The following SEMA5A variants were observed in gnomAD, a reference collection of about 807,000 sequenced individuals.
SEMA5A encodes the protein semaphorin 5A.
A neutral mutation model predicts 135.5 loss-of-function variants in SEMA5A; 55 were observed. The observed-to-expected ratio is 0.41, with a 90% CI of 0.33 to 0.51. The LOEUF (loss-of-function observed/expected upper bound fraction) is 0.51. SEMA5A is among the 20% of genes least tolerant of loss of function. SEMA5A has a pLI of 0.37. For synonymous variants in SEMA5A, 580 were observed against 546.5 expected, an observed-to-expected ratio of 1.06 and a Z score of -0.85; for missense variants, 1,290 against 1,419.9, an observed-to-expected ratio of 0.91 and a Z score of 1.47.
chr5:9,221,886 G>A (rs1329312332), intron 8 of SEMA5A, among the ~76,000 whole-genome samples: 1 of 152,100 alleles, frequency 6.6e-6, no homozygotes, highest in African/African-American at 2.4e-5. Flanking sequence ...CTGGAGTGGG[G>A]GTAGTTGCAA....
chr5:9,116,538 T>C (rs1464589728), intron 15 of SEMA5A, among the ~76,000 whole-genome samples: 2 of 152,234 alleles, frequency 1.3e-5, no homozygotes, highest in Non-Finnish European at 2.9e-5. Context: ...GAGATTTTTG[T>C]TGCAACAAAG....
intron 1 of SEMA5A, among the ~76,000 whole-genome samples, chr5:9,532,432 A>ATT (rs1737500772): frequency 7.8e-6 from 1 of 128,764 alleles, no homozygotes; most frequent in Non-Finnish European, 1.6e-5. Flanking sequence ...TGCCCAGTTA[A>ATT]TTTTTTTCTT....
intron 5 of SEMA5A, among the ~76,000 whole-genome samples, chr5:9,245,204 A>G (rs1407095514): frequency 1.3e-5 from 2 of 152,162 alleles, no homozygotes; most frequent in East Asian, 3.9e-4. Flanking sequence ...TGCCTGCGGA[A>G]ATAAAGGATC....
chr5:9,154,093 A>ATATATATATATATTTGTGTGTGTG (rs372321939), intron 12 of SEMA5A, among the ~76,000 whole-genome samples: 1 of 73,512 alleles, frequency 1.4e-5, no homozygotes, highest in Non-Finnish European at 2.4e-5. Context: ...ATATATATAT[A>ATATATATATATATTTGTGTGTGTG]TGTGTGTGTG....
At chr5:9,376,229 C>T (rs957293122) in intron 3 of SEMA5A, among the ~76,000 whole-genome samples, 2 of 152,156 alleles carry the variant, frequency 1.3e-5, no homozygotes, top group African/African-American at 2.4e-5. Flanking sequence ...CGAATCCCCA[C>T]TTGCCATGTG....
At chr5:9,485,388 A>G (rs1734644337) in intron 1 of SEMA5A, among the ~76,000 whole-genome samples, 1 of 152,230 alleles carries the variant, frequency 6.6e-6, no homozygotes, top group South Asian at 2.1e-4. Context: ...TCATCTTAAC[A>G]GAGGAAATTG....
chr5:9,222,109 G>A (rs990553245), intron 8 of SEMA5A, among the ~76,000 whole-genome samples: 1 of 152,188 alleles, frequency 6.6e-6, no homozygotes, highest in Non-Finnish European at 1.5e-5. Flanking sequence ...AGTGGAAGGA[G>A]AACTAAAGGA....
intron 15 of SEMA5A, among the ~76,000 whole-genome samples, chr5:9,113,957 C>T (rs1372596704): frequency 6.6e-6 from 1 of 152,140 alleles, no homozygotes; most frequent in East Asian, 1.9e-4. Flanking sequence ...ATACAGTATA[C>T]ACAAAAAAGT....
At chr5:9,092,163 T>C (rs987029148) in intron 16 of SEMA5A, among the ~76,000 whole-genome samples, 1 of 152,166 alleles carries the variant, frequency 6.6e-6, no homozygotes, top group Non-Finnish European at 1.5e-5. Context: ...ATACTCATGG[T>C]TGTTCCAGGC....
intron 3 of SEMA5A, among the ~76,000 whole-genome samples, chr5:9,348,629 C>T (rs546186555): frequency 6.6e-6 from 1 of 152,086 alleles, no homozygotes; most frequent in South Asian, 2.1e-4. Flanking sequence ...TGACAAAGAA[C>T]AACAAAAAGT....
At chr5:9,307,203 C>G (rs1049379265) in intron 5 of SEMA5A, among the ~76,000 whole-genome samples, 3 of 152,086 alleles carry the variant, frequency 2.0e-5, no homozygotes, top group Non-Finnish European at 4.4e-5. Flanking sequence ...GTGGCAATAG[C>G]CCCCACAACA....
intron 11 of SEMA5A, among the ~76,000 whole-genome samples, chr5:9,174,383 A>G (rs1744094175): frequency 6.6e-6 from 1 of 152,140 alleles, no homozygotes; most frequent in Non-Finnish European, 1.5e-5. Context: ...CTGTTCCTTA[A>G]GGTATCTTGG....
chr5:9,302,104 ATCT>A (rs1167508642), intron 5 of SEMA5A, among the ~76,000 whole-genome samples: 4 of 152,056 alleles, frequency 2.6e-5, no homozygotes, highest in Non-Finnish European at 5.9e-5. Context: ...TGTGTGTGTA[ATCT>A]TCTTCTGCAT....
intron 12 of SEMA5A, among the ~76,000 whole-genome samples, chr5:9,147,023 A>G (rs929963068): frequency 2.0e-5 from 3 of 152,124 alleles, no homozygotes; most frequent in Non-Finnish European, 2.9e-5. Context: ...AGACCCTGCA[A>G]TTTCTCTGTA....
chr5:9,106,821 T>C (rs964357384), intron 16 of SEMA5A, among the ~76,000 whole-genome samples: 3 of 152,204 alleles, frequency 2.0e-5, no homozygotes, highest in Non-Finnish European at 2.9e-5. Context: ...CTACAGTTAG[T>C]TCAGGCTGAT....
intron 18 of SEMA5A, 125 bp from the exon 19 acceptor site, chr5:9,054,382 A>G: frequency 8.0e-7 from 1 of 1,257,152 alleles, no homozygotes; most frequent in Non-Finnish European, 1.1e-6. Context: ...TGCACTCCAG[A>G]AAGGCTTCAG....
chr5:9,213,206 A>T (rs1746435243), intron 8 of SEMA5A, among the ~76,000 whole-genome samples: 1 of 152,234 alleles, frequency 6.6e-6, no homozygotes, highest in Non-Finnish European at 1.5e-5. Flanking sequence ...ATTTTAACCT[A>T]CGACTTTTGG....
chr5:9,088,957 C>G (rs1738882522), intron 16 of SEMA5A, among the ~76,000 whole-genome samples: 1 of 152,090 alleles, frequency 6.6e-6, no homozygotes, highest in African/African-American at 2.4e-5. Flanking sequence ...GTTCAGGCCT[C>G]CATGCTTTTG....
intron 15 of SEMA5A, among the ~76,000 whole-genome samples, chr5:9,115,714 A>G (rs1453427685): frequency 6.6e-6 from 1 of 152,144 alleles, no homozygotes; most frequent in Non-Finnish European, 1.5e-5. Flanking sequence ...AGGGGTAGGG[A>G]TGTGAATGAC....
Sources: gnomAD v4.1 joint callset for allele counts (sites outside exome capture counted in the v4.1 genomes callset) on GRCh38, gnomAD v4.1.1 for gene constraint, MANE v1.5 for transcripts, NCBI Gene and HGNC (gene_info 2026-07-23, HGNC 2026-07-21) for gene names.